Variants in CSRNP3 observed in about 807,000 individuals in gnomAD.
CSRNP3 encodes cysteine and serine rich nuclear protein 3, also known as cysteine/serine-rich nuclear protein 3.
A neutral mutation model predicts 48.0 loss-of-function variants in CSRNP3; 12 were observed. That is an observed-to-expected ratio of 0.25 (90% CI 0.16 to 0.41). The LOEUF (loss-of-function observed/expected upper bound fraction) is 0.41. Among genes scored for constraint, CSRNP3 ranks in the 10% least tolerant of loss-of-function variants. The pLI, the probability that CSRNP3 is intolerant of heterozygous loss-of-function variation, is 1.00. For missense variants in CSRNP3, 580 were observed against 724.4 expected, an observed-to-expected ratio of 0.80 and a Z score of 2.29; for synonymous variants, 263 against 269.7, an observed-to-expected ratio of 0.98 and a Z score of 0.24.
intron 4 of CSRNP3, among the ~76,000 whole-genome samples, chr2:165,654,707 G>A (rs186619406): frequency 7.2e-5 from 11 of 152,230 alleles, no homozygotes; most frequent in Admixed American, 7.2e-4. Context: ...TCGGCTCACT[G>A]CAACCTCCAC....
chr2:165,614,634 T>C (rs10201582), intron 4 of CSRNP3, among the ~76,000 whole-genome samples: 8,544 of 152,262 alleles, frequency 0.056, 351 homozygotes, highest in African/African-American at 0.11. Context: ...TTTTTAATCA[T>C]GAAGGATTGT....
intron 5 of CSRNP3, among the ~76,000 whole-genome samples, chr2:165,672,858 A>G (rs959948987): frequency 3.3e-5 from 5 of 152,190 alleles, no homozygotes; most frequent in African/African-American, 1.2e-4. Flanking sequence ...CACAGACTGG[A>G]AGAAAAGACT....
At chr2:165,547,756 T>C (rs948413772) in intron 3 of CSRNP3, among the ~76,000 whole-genome samples, 2 of 152,032 alleles carry the variant, frequency 1.3e-5, no homozygotes, top group Non-Finnish European at 2.9e-5. Context: ...TTTTCTTGAC[T>C]ACAAAATTAA....
At chr2:165,615,469 G>A (rs1345701457) in intron 4 of CSRNP3, among the ~76,000 whole-genome samples, 1 of 151,744 alleles carries the variant, frequency 6.6e-6, no homozygotes, top group Non-Finnish European at 1.5e-5. Flanking sequence ...TGTGAACCCG[G>A]GAGGCAGAGC....
chr2:165,628,860 G>T (rs751318213), intron 4 of CSRNP3, among the ~76,000 whole-genome samples: 1 of 152,192 alleles, frequency 6.6e-6, no homozygotes. Context: ...GAGCCCAGGA[G>T]TTTCAGACCA....
intron 4 of CSRNP3, among the ~76,000 whole-genome samples, chr2:165,596,075 C>G (rs1685805450): frequency 6.6e-6 from 1 of 151,882 alleles, no homozygotes; most frequent in South Asian, 2.1e-4. Flanking sequence ...CCACCTCAGC[C>G]TCCCAAAGTG....
At chr2:165,673,747 G>A (rs1013018040) in intron 5 of CSRNP3, among the ~76,000 whole-genome samples, 1 of 152,112 alleles carries the variant, frequency 6.6e-6, no homozygotes, top group African/African-American at 2.4e-5. Context: ...TTAAAAAATA[G>A]AGGTGGCTCA....
At chr2:165,640,288 T>C (rs1432218260) in intron 4 of CSRNP3, among the ~76,000 whole-genome samples, 1 of 152,240 alleles carries the variant, frequency 6.6e-6, no homozygotes, top group Non-Finnish European at 1.5e-5. Flanking sequence ...AAACTATTTA[T>C]ACATGAGGTG....
chr2:165,608,934 C>CAA (rs33952227), intron 4 of CSRNP3, among the ~76,000 whole-genome samples: 127 of 75,564 alleles, frequency 1.7e-3, no homozygotes, highest in Middle Eastern at 0.012. Flanking sequence ...ACTAAAAATA[C>CAA]AAAAAAAAAA....
chr2:165,615,229 G>A (rs1167148166), intron 4 of CSRNP3, among the ~76,000 whole-genome samples: 1 of 152,080 alleles, frequency 6.6e-6, no homozygotes, highest in Non-Finnish European at 1.5e-5. Context: ...TCCAGTGTTA[G>A]TTGCTATATA....
rs1687624800 is a variant in CSRNP3 at position 165,686,019 on chromosome 2, A to G, written c.*6266A>G. On this transcript the variant is annotated 3_prime_UTR_variant, in exon 7 of 7. Transcript: ENST00000651982. ...GCCTTGCCATTGTCTAAGTTAATTTATGTGACCTGATTGAACAGTTTTAGT... is the reference window on the plus strand; with the variant it reads ...GCCTTGCCATTGTCTAAGTTAATTTGTGTGACCTGATTGAACAGTTTTAGT... 6.6e-6 allele frequency: 1 copy of G among 152,114 alleles called. No homozygotes were observed. Among genetic ancestry groups the G allele is most frequent in the Non-Finnish European group, 1.5e-5 (1 of 67,972 alleles). 9.4% of individuals were successfully genotyped at this position (152,114 alleles called of 1,614,324 possible).
chr2:165,589,766 A>G (rs1685687817), intron 3 of CSRNP3, among the ~76,000 whole-genome samples: 1 of 152,202 alleles, frequency 6.6e-6, no homozygotes. Context: ...GGGAGGTGAG[A>G]AAGGAAAAGA....
chr2:165,549,061 C>G (rs1037449856), intron 3 of CSRNP3, among the ~76,000 whole-genome samples: 2 of 142,124 alleles, frequency 1.4e-5, no homozygotes, highest in African/African-American at 5.3e-5. Flanking sequence ...TTGAGGCAAT[C>G]TGCTTTTGAA....
intron 6 of CSRNP3, 91 bp from the exon 7 acceptor site, chr2:165,678,610 T>C: frequency 7.0e-7 from 1 of 1,427,924 alleles, no homozygotes; most frequent in South Asian, 1.4e-5. Context: ...AGTGGATGGA[T>C]TACTTAATTC....
chr2:165,576,132 A>AAT lies in CSRNP3; in HGVS notation c.-23-18901_-23-18900dup, dbSNP rs534941335. Among the ~76,000 whole-genome samples, 404 of 150,584 alleles carry AAT rather than the reference A, an allele frequency of 2.7e-3. 3 individuals are homozygous for AAT. Among genetic ancestry groups the AAT allele is most frequent in the African/African-American group, 9.1e-3 (374 of 41,254 alleles). ...TAATTGTTTTATATATGCATAAAAC[A>AAT]ATATATATATACACACACATATGTG... On this transcript the variant is annotated intron_variant, in intron 3 of 6. Coordinates refer to ENST00000651982, the MANE Select transcript of CSRNP3 (RefSeq NM_001172173.2).
intron 3 of CSRNP3, among the ~76,000 whole-genome samples, chr2:165,518,898 T>C (rs1378617091): frequency 6.6e-6 from 1 of 152,072 alleles, no homozygotes; most frequent in East Asian, 1.9e-4. Context: ...TCTCAAAAAT[T>C]TCCCAAACAA....
In CSRNP3 at chr2:165,679,960, A is replaced by G. The variant is rs1687506205; in HGVS notation, c.*207A>G. ...CTCTGTAGGGATTTTAAAAGATTTC[A>G]GACTGTTTTGATAGAAAAAGCTAAA... On this transcript the variant is annotated 3_prime_UTR_variant, in exon 7 of 7. Transcript: ENST00000651982. The G allele has an allele frequency of 5.8e-6, 4 of 685,466 alleles. No homozygotes were observed. The highest frequency in any genetic ancestry group is 2.4e-5 in the South Asian group (1 of 40,944). 42.5% of individuals were successfully genotyped at this position (685,466 alleles called of 1,614,324 possible). A position where few individuals can be genotyped will look rare whatever the true frequency, so the allele number is the denominator to read the frequency against.
intron 4 of CSRNP3, among the ~76,000 whole-genome samples, chr2:165,609,465 GAA>G (rs34249194): frequency 1.4e-3 from 132 of 97,576 alleles, no homozygotes; most frequent in African/African-American, 4.8e-3. Flanking sequence ...TCTAAAAAAA[GAA>G]AAAAAAAAAA....
chr2:165,562,514 G>A (rs958102727), intron 3 of CSRNP3, among the ~76,000 whole-genome samples: 7 of 152,142 alleles, frequency 4.6e-5, no homozygotes, highest in African/African-American at 1.7e-4. Flanking sequence ...TTTTCATCTG[G>A]TTCATTTAGA....
Sources: allele counts gnomAD v4.1 joint callset (sites outside exome capture counted in the v4.1 genomes callset), GRCh38; gene constraint gnomAD v4.1.1; transcripts MANE v1.5; gene names NCBI Gene and HGNC (gene_info 2026-07-23, HGNC 2026-07-21).